The following CAPS2 variants were observed in gnomAD, a reference collection of about 807,000 sequenced individuals.
The protein encoded by CAPS2 is calcyphosine 2, also known as calcyphosin-2.
Under a neutral mutation model 86.5 loss-of-function variants are expected in CAPS2, and 98 were observed. The ratio of observed to expected loss-of-function variants is 1.13; its 90% CI spans 0.96 to 1.34. The LOEUF is 1.34. CAPS2 is among the 40% of genes most tolerant of loss of function. CAPS2 has a pLI of 0.00. For missense variants in CAPS2, 729 were observed against 686.8 expected (o/e 1.06, Z -0.69); for synonymous variants, 210 against 225.1 (o/e 0.93, Z 0.60).
At chr12:75,306,357 G>A in intron 7 of CAPS2, 1 of 472,312 alleles carries the variant, frequency 2.1e-6, no homozygotes, top group South Asian at 2.5e-5. Context: ...TGTCTCTGAG[G>A]ACTAGCAAGG....
In CAPS2 at chr12:75,372,681, T is replaced by A. The variant is rs1427540113; in HGVS notation, c.-395+18157A>T. 7.9e-5 allele frequency among the ~76,000 whole-genome samples: 12 copies of A among 152,300 alleles called. No individual in the cohort carries two copies. In the East Asian group the frequency reaches 2.3e-3, roughly 29 times the overall value. ...GAGCATACATAGCTTCTGAAGAACT[T>A]TGCCCCAGCTCTGTAAAGTATTGTC... On this transcript the variant is annotated intron_variant, in intron 1 of 5. Coordinates refer to the CAPS2 transcript ENST00000551829.
chr12:75,382,384 A>T lies in CAPS2; in HGVS notation c.-395+8454T>A, dbSNP rs192715658. On this transcript the variant is annotated intron_variant, in intron 1 of 5. Coordinates refer to the CAPS2 transcript ENST00000551829. ...ACCAGGCATGGTGGCTCACGCCTAT[A>T]ATTCCAGCACTTTGGGAGGCCAAGG... Among the ~76,000 whole-genome samples the T allele has an allele frequency of 3.1e-3, 465 of 152,328 alleles. 5 individuals are homozygous for T. Among genetic ancestry groups the T allele is most frequent in the Non-Finnish European group, 3.8e-3 (258 of 68,024 alleles).
chr12:75,287,722 T>A (rs1425961028), intron 14 of CAPS2, among the ~76,000 whole-genome samples: 1 of 152,164 alleles, frequency 6.6e-6, no homozygotes, highest in African/African-American at 2.4e-5. Flanking sequence ...CTTTGTAATA[T>A]CCATTAGAGT....
At position 75,339,285 on chromosome 12, in the gene CAPS2, T is replaced by C. The variant is rs2041945070; in HGVS notation, c.-394-16063A>G. On this transcript the variant is annotated intron_variant, in intron 1 of 5. Transcript: ENST00000551829. ...CACCTGTTTCTGGACTTTTTAATAA[T>C]TGCCATTCTGAGTGGCCTAAGATGG... Among the ~76,000 whole-genome samples, 5 of 152,202 alleles carry C rather than the reference T, an allele frequency of 3.3e-5. No homozygotes were observed. In the South Asian group the frequency reaches 1.0e-3, roughly 32 times the overall value.
intron 5 of CAPS2, among the ~76,000 whole-genome samples, chr12:75,317,305 A>C (rs1246822717): frequency 6.6e-6 from 1 of 152,166 alleles, no homozygotes; most frequent in African/African-American, 2.4e-5. Context: ...GTATTTAAAA[A>C]TCAATTTATG....
intron 1 of CAPS2, among the ~76,000 whole-genome samples, chr12:75,372,537 T>A (rs559201118): frequency 6.6e-6 from 1 of 152,278 alleles, no homozygotes; most frequent in South Asian, 2.1e-4. Context: ...GCAAAAATTT[T>A]GCTAGTGGAT....
At chr12:75,318,677 C>T (rs1439924762) in intron 5 of CAPS2, among the ~76,000 whole-genome samples, 1 of 152,148 alleles carries the variant, frequency 6.6e-6, no homozygotes, top group East Asian at 1.9e-4. Context: ...ATACCCAAAG[C>T]CCTGACTTTC....
At chr12:75,333,024 C>T (rs191629647), upstream of CAPS2, among the ~76,000 whole-genome samples, 4 of 152,126 alleles carry the variant, frequency 2.6e-5, no homozygotes, top group Non-Finnish European at 4.4e-5. Context: ...GTGGCTGATG[C>T]AGAATAAGCC....
intron 1 of CAPS2, among the ~76,000 whole-genome samples, chr12:75,338,423 T>C (rs1032301830): frequency 6.6e-6 from 1 of 152,148 alleles, no homozygotes; most frequent in African/African-American, 2.4e-5. Context: ...CCACTCTTCA[T>C]AGATTCAATG....
At chr12:75,333,461 C>A (rs2041485527), upstream of CAPS2, among the ~76,000 whole-genome samples, 1 of 152,094 alleles carries the variant, frequency 6.6e-6, no homozygotes, top group Admixed American at 6.5e-5. Flanking sequence ...CACACACACA[C>A]ACGTATATAT....
intron 1 of CAPS2, among the ~76,000 whole-genome samples, chr12:75,358,925 C>T (rs1224733079): frequency 2.1e-5 from 3 of 143,838 alleles, no homozygotes; most frequent in South Asian, 2.1e-4. Flanking sequence ...GTACAGACTG[C>T]ATAAAACAGA....
intron 16 of CAPS2, 91 bp from the exon 17 acceptor site, chr12:75,279,156 A>G (rs2033429969): frequency 6.1e-6 from 7 of 1,152,890 alleles, no homozygotes; most frequent in Non-Finnish European, 7.3e-6. Flanking sequence ...ATCTTATGAA[A>G]TACTTTCAAC....
chr12:75,341,168 T>G (rs1011763559), intron 1 of CAPS2, among the ~76,000 whole-genome samples: 5 of 152,226 alleles, frequency 3.3e-5, no homozygotes, highest in African/African-American at 1.2e-4. Flanking sequence ...CAAATATTTA[T>G]GGATACTCCC....
At chr12:75,303,201 A>G (rs1199065426) in intron 8 of CAPS2, among the ~76,000 whole-genome samples, 2 of 152,218 alleles carry the variant, frequency 1.3e-5, no homozygotes, top group Admixed American at 1.3e-4. Context: ...TACAAATAAC[A>G]CCATGGATAA....
intron 1 of CAPS2, among the ~76,000 whole-genome samples, chr12:75,346,459 CA>C (rs2042455019): frequency 6.6e-6 from 1 of 151,864 alleles, no homozygotes; most frequent in South Asian, 2.1e-4. Context: ...GGCGTGATCT[CA>C]ACTCACTGCA....
intron 1 of CAPS2, among the ~76,000 whole-genome samples, chr12:75,340,405 G>GA (rs1208514558): frequency 1.3e-5 from 2 of 151,320 alleles, no homozygotes; most frequent in Non-Finnish European, 3.0e-5. Context: ...TATAAGAAAA[G>GA]AAAAAACTTT....
intron 1 of CAPS2, among the ~76,000 whole-genome samples, chr12:75,348,728 A>C (rs548808126): frequency 8.5e-5 from 13 of 152,212 alleles, no homozygotes; most frequent in Non-Finnish European, 1.8e-4. Context: ...ATACGAGAAT[A>C]GTGTTATGTC....
downstream of CAPS2, chr12:75,276,059 A>T (rs148211827): frequency 2.2e-4 from 158 of 729,064 alleles, 1 homozygote; most frequent in African/African-American, 2.8e-3. Context: ...TTTAAAATAA[A>T]AATGGAACGA....
intron 15 of CAPS2, 71 bp downstream of exon 15, chr12:75,284,890 T>TTA: frequency 1.5e-6 from 2 of 1,351,792 alleles, no homozygotes; most frequent in Non-Finnish European, 2.0e-6. Context: ...GGTAATTCAT[T>TTA]AAAGTTTTAA....
Sources: gnomAD v4.1 joint callset for allele counts (sites outside exome capture counted in the v4.1 genomes callset) on GRCh38, gnomAD v4.1.1 for gene constraint, MANE v1.5 for transcripts, NCBI Gene and HGNC (gene_info 2026-07-23, HGNC 2026-07-21) for gene names.